Variants in BUB1B observed in about 807,000 individuals in gnomAD.
BUB1B encodes BUB1 mitotic checkpoint serine/threonine kinase B.
In BUB1B, 86 loss-of-function variants were observed where a neutral mutation model predicts 137.7. The observed-to-expected ratio is 0.62, with a 90% CI of 0.52 to 0.75. The LOEUF is 0.75. BUB1B is among the 30% of genes least tolerant of loss of function. The pLI, the probability that BUB1B is intolerant of heterozygous loss-of-function variation, is 0.00. For missense variants in BUB1B, 1,130 were observed against 1,236.9 expected, an observed-to-expected ratio of 0.91 and a Z score of 1.30; for synonymous variants, 420 against 417.9, an observed-to-expected ratio of 1.00 and a Z score of -0.06.
rs74011371 is a variant in BUB1B at position 40,196,985 on chromosome 15, G to T, written c.1288+211G>T. Reference sequence around the variant, plus strand: ...GTGTATCAGCCAAACTCCCATTGCTGCCTTCCATGAAAACTCCTTGGGGTG... The same window carrying T: ...GTGTATCAGCCAAACTCCCATTGCTTCCTTCCATGAAAACTCCTTGGGGTG... On this transcript the variant is annotated intron_variant, in intron 9 of 22. Coordinates refer to ENST00000287598, the MANE Select transcript of BUB1B (RefSeq NM_001211.6). Among the ~76,000 whole-genome samples the T allele has an allele frequency of 0.012, 1,893 of 152,226 alleles. 43 individuals are homozygous for T. Among genetic ancestry groups the T allele is most frequent in the African/African-American group, 0.043 (1,797 of 41,506 alleles).
chr15:40,214,346 T>C (rs2037749092), intron 20 of BUB1B, among the ~76,000 whole-genome samples: 1 of 152,204 alleles, frequency 6.6e-6, no homozygotes, highest in African/African-American at 2.4e-5. Flanking sequence ...TAGATCACGT[T>C]CAGGCATTAA....
intron 8 of BUB1B, among the ~76,000 whole-genome samples, chr15:40,194,109 TA>T (rs150764958): frequency 0.055 from 8,385 of 152,226 alleles, 751 homozygotes; most frequent in African/African-American, 0.19. Context: ...ATTGTTTTCT[TA>T]ATTTCATTTT....
intron 5 of BUB1B, among the ~76,000 whole-genome samples, chr15:40,182,070 T>C (rs574018861): frequency 6.6e-6 from 1 of 152,242 alleles, no homozygotes; most frequent in East Asian, 1.9e-4. Flanking sequence ...TGTGCATGGT[T>C]GTGGGTGCCT....
chr15:40,176,407 ATTGT>A (rs1319255550), intron 4 of BUB1B, 66 bp from the exon 5 acceptor site: 11 of 1,335,524 alleles, frequency 8.2e-6, no homozygotes, highest in Middle Eastern at 1.9e-4. Flanking sequence ...ATCTCCAGTG[ATTGT>A]TTGGCAACTA....
At chr15:40,176,791 A>G (rs994255112) in intron 5 of BUB1B, 118 bp downstream of exon 5, 40 of 1,073,866 alleles carry the variant, frequency 3.7e-5, no homozygotes, top group Non-Finnish European at 4.7e-5. Flanking sequence ...CTTAGTTACT[A>G]TTCAATTTTT....
chr15:40,216,984 T>C (rs2037801921), intron 20 of BUB1B, among the ~76,000 whole-genome samples: 1 of 152,172 alleles, frequency 6.6e-6, no homozygotes, highest in African/African-American at 2.4e-5. Flanking sequence ...TTACAAGAAA[T>C]TTTACAATAC....
At chr15:40,183,969 G>A (rs761792177) in intron 6 of BUB1B, 86 bp downstream of exon 6, 9 of 1,409,538 alleles carry the variant, frequency 6.4e-6, no homozygotes, top group Non-Finnish European at 8.9e-6. Context: ...TATACCTGTG[G>A]ACACTTCTAG....
intron 16 of BUB1B, 89 bp downstream of exon 16, chr15:40,208,859 G>C: frequency 7.4e-7 from 1 of 1,352,092 alleles, no homozygotes; most frequent in Non-Finnish European, 1.0e-6. Context: ...TTTTGAGACA[G>C]GGTCTCACTC....
chr15:40,209,563 C>G, intron 16 of BUB1B, 72 bp from the exon 17 acceptor site: 1 of 1,566,502 alleles, frequency 6.4e-7, no homozygotes, highest in Non-Finnish European at 8.8e-7. Flanking sequence ...TTCTTCTACT[C>G]TGTTATAATA....
At chr15:40,167,267 T>C (rs751288875) in intron 2 of BUB1B, among the ~76,000 whole-genome samples, 2 of 151,180 alleles carry the variant, frequency 1.3e-5, no homozygotes, top group Non-Finnish European at 2.9e-5. Flanking sequence ...TTTTGTGTCC[T>C]CTTCAGGAGA....
chr15:40,203,244 C>T (rs1341802912), intron 14 of BUB1B, among the ~76,000 whole-genome samples: 1 of 152,152 alleles, frequency 6.6e-6, no homozygotes, highest in Non-Finnish European at 1.5e-5. Flanking sequence ...GTACTAATAC[C>T]TGTCACAACA....
intron 2 of BUB1B, among the ~76,000 whole-genome samples, chr15:40,165,419 C>T (rs994541435): frequency 6.6e-6 from 1 of 152,100 alleles, no homozygotes; most frequent in Admixed American, 6.5e-5. Context: ...TGTGGTGCAG[C>T]GAAACTCTTT....
At chr15:40,169,287 A>T (rs2037134631) in intron 2 of BUB1B, among the ~76,000 whole-genome samples, 2 of 151,972 alleles carry the variant, frequency 1.3e-5, no homozygotes, top group Admixed American at 1.3e-4. Context: ...TTTTTTTTGA[A>T]CTTTAAAATT....
At chr15:40,211,765 T>TGCTGG (rs996762112) in intron 18 of BUB1B, among the ~76,000 whole-genome samples, 14 of 152,068 alleles carry the variant, frequency 9.2e-5, no homozygotes, top group Admixed American at 8.5e-4. Context: ...GAGAGGTAGT[T>TGCTGG]GCTGGGCTGG....
At chr15:40,166,878 CT>C (rs1381723883) in intron 2 of BUB1B, among the ~76,000 whole-genome samples, 1 of 152,104 alleles carries the variant, frequency 6.6e-6, no homozygotes, top group Non-Finnish European at 1.5e-5. Context: ...TCCCTGGTGA[CT>C]AATAATGGTG....
intron 8 of BUB1B, among the ~76,000 whole-genome samples, chr15:40,187,736 C>T (rs2037385379): frequency 6.6e-6 from 1 of 151,914 alleles, no homozygotes; most frequent in South Asian, 2.1e-4. Flanking sequence ...CAGGGAGACC[C>T]TGTCTCCACA....
rs150313693 is a variant in BUB1B, at chr15:40,162,936, C to T, written c.35+1681C>T. Among the ~76,000 whole-genome samples, 432 of 152,054 alleles carry T rather than the reference C, an allele frequency of 2.8e-3. 1 individual carries two copies. The highest frequency in any genetic ancestry group is 4.9e-3 in the Non-Finnish European group (330 of 67,984). ...AGAGTTCACACAATATAGAGCAGGT[C>T]CTGGTATAACATCGTTTCGTTATAA... On this transcript the variant is annotated intron_variant, in intron 1 of 22. Coordinates refer to ENST00000287598, the MANE Select transcript of BUB1B (RefSeq NM_001211.6).
Position 40,199,646 on chromosome 15 carries a change from A to C in BUB1B, c.1320A>C (p.Ala440=), listed in dbSNP as rs745513833. 2.5e-6 allele frequency: 4 copies of C among 1,614,094 alleles called. No homozygotes were observed. The highest frequency in any genetic ancestry group is 3.4e-6 in the Non-Finnish European group (4 of 1,179,942). The change falls in exon 10 of 23, where the codon GCA becomes GCC. Residue 440 remains alanine, a synonymous_variant. Coordinates refer to ENST00000287598, the MANE Select transcript of BUB1B (RefSeq NM_001211.6). ...TATTGACCAGTGCAGAGAAGAGAGC[A>C]GAAATGCAGAAACAGATTGAAGAGA... ...AELLTSAEKR[A]EMQKQIEEME...
chr15:40,199,610 T>C lies in BUB1B; in HGVS notation c.1289-5T>C. On this transcript the variant is annotated splice_region_variant and splice_polypyrimidine_tract_variant and intron_variant, in intron 9 of 22. Coordinates refer to ENST00000287598, the MANE Select transcript of BUB1B (RefSeq NM_001211.6). ...TAATACCTCAAGCAACTTTACTGTT[T>C]CTAGCCGAGCTATTGACCAGTGCAG... 1.2e-6 allele frequency: 2 copies of C among 1,612,968 alleles called. No individual in the cohort carries two copies. Among genetic ancestry groups the C allele is most frequent in the Non-Finnish European group, 1.7e-6 (2 of 1,179,004 alleles).
Sources: gnomAD v4.1 joint callset for allele counts (sites outside exome capture counted in the v4.1 genomes callset) on GRCh38, gnomAD v4.1.1 for gene constraint, MANE v1.5 for transcripts, NCBI Gene and HGNC (gene_info 2026-07-23, HGNC 2026-07-21) for gene names.